IGSF11: variants seen among roughly 807,000 people sequenced by gnomAD.
IGSF11 encodes the protein CXADR like 1.
A neutral mutation model predicts 41.0 loss-of-function variants in IGSF11; 22 were observed. The ratio of observed to expected loss-of-function variants is 0.54; its 90% CI spans 0.38 to 0.77. IGSF11 has a LOEUF of 0.77. Among genes scored for constraint, IGSF11 ranks in the 30% least tolerant of loss-of-function variants. IGSF11 has a pLI of 0.00. For synonymous variants in IGSF11, 219 were observed against 201.3 expected (o/e 1.09, Z -0.74); for missense variants, 444 against 530.8 (o/e 0.84, Z 1.61).
At chr3:119,033,805 T>G (rs1008410831) in intron 1 of IGSF11, among the ~76,000 whole-genome samples, 1 of 152,224 alleles carries the variant, frequency 6.6e-6, no homozygotes, top group Non-Finnish European at 1.5e-5. Flanking sequence ...AATCAGGATC[T>G]AAATTAATAT....
At chr3:119,115,824 G>A (rs2077248735) in intron 1 of IGSF11, among the ~76,000 whole-genome samples, 1 of 151,956 alleles carries the variant, frequency 6.6e-6, no homozygotes, top group South Asian at 2.1e-4. Context: ...TCTAAAATGA[G>A]GTGATAAAAA....
At chr3:119,073,747 C>T (rs1428561507) in intron 1 of IGSF11, among the ~76,000 whole-genome samples, 1 of 152,184 alleles carries the variant, frequency 6.6e-6, no homozygotes, top group African/African-American at 2.4e-5. Flanking sequence ...GGCCTGTGAG[C>T]ACTGCACACA....
intron 1 of IGSF11, among the ~76,000 whole-genome samples, chr3:119,126,754 A>G (rs886694141): frequency 6.6e-6 from 1 of 152,164 alleles, no homozygotes; most frequent in Non-Finnish European, 1.5e-5. Context: ...GCAAATCCCC[A>G]GCAAACTGCA....
intron 1 of IGSF11, among the ~76,000 whole-genome samples, chr3:119,024,444 G>T (rs1174050375): frequency 6.6e-6 from 1 of 152,138 alleles, no homozygotes; most frequent in Non-Finnish European, 1.5e-5. Context: ...GTGAGTTTAT[G>T]AATCTCAGAA....
intron 1 of IGSF11, among the ~76,000 whole-genome samples, chr3:119,064,823 T>C (rs1247206374): frequency 2.0e-5 from 3 of 152,196 alleles, no homozygotes; most frequent in Non-Finnish European, 2.9e-5. Context: ...TCTATTTGAT[T>C]ATTGCTGGCA....
chr3:119,035,689 A>C (rs1236092168), upstream of IGSF11, among the ~76,000 whole-genome samples: 1 of 152,170 alleles, frequency 6.6e-6, no homozygotes, highest in Non-Finnish European at 1.5e-5. Flanking sequence ...TGTTTTACTT[A>C]AATATCTACC....
intron 1 of IGSF11, among the ~76,000 whole-genome samples, chr3:119,115,416 T>C (rs1286597380): frequency 6.6e-6 from 1 of 152,220 alleles, no homozygotes; most frequent in Non-Finnish European, 1.5e-5. Context: ...CATTTGTTAA[T>C]TGCCTGTCTT....
intron 1 of IGSF11, among the ~76,000 whole-genome samples, chr3:119,072,063 CAAGAA>C (rs2076408036): frequency 6.6e-6 from 1 of 152,082 alleles, no homozygotes; most frequent in Non-Finnish European, 1.5e-5. Context: ...GAGAATATTC[CAAGAA>C]AAGAAAAGTT....
intron 1 of IGSF11, among the ~76,000 whole-genome samples, chr3:119,031,355 G>C (rs1247479938): frequency 6.6e-6 from 1 of 152,188 alleles, no homozygotes; most frequent in Non-Finnish European, 1.5e-5. Context: ...AACTCAGTAA[G>C]TACTGCCTGT....
At chr3:118,957,269 T>C (rs1302638575) in intron 1 of IGSF11, among the ~76,000 whole-genome samples, 4 of 152,150 alleles carry the variant, frequency 2.6e-5, no homozygotes, top group African/African-American at 7.2e-5. Flanking sequence ...GCAATCTACT[T>C]TACTTAGTCC....
intron 1 of IGSF11, among the ~76,000 whole-genome samples, chr3:118,966,008 A>C (rs75566168): frequency 7.0e-6 from 1 of 143,218 alleles, no homozygotes; most frequent in South Asian, 2.1e-4. Context: ...CAGAAATGAG[A>C]AAAAAAAAAA....
In IGSF11 at chr3:118,902,881, G is replaced by A. The variant is rs1939079399; in HGVS notation, c.935C>T (p.Thr312Ile). 1 of 1,614,198 alleles carries A rather than the reference G, an allele frequency of 6.2e-7. No homozygotes were observed. The highest frequency in any genetic ancestry group is 8.5e-7 in the Non-Finnish European group (1 of 1,180,002). ...EISSSDNNTL[T>I]SSNAYNSRYW... Reference sequence around the variant, plus strand: ...TCGACTGTTGTAGGCATTGGAAGAGGTTAGTGTGTTGTTGTCCGAGGAGGA... The same window carrying A: ...TCGACTGTTGTAGGCATTGGAAGAGATTAGTGTGTTGTTGTCCGAGGAGGA... Residue 312 changes from threonine (T) to isoleucine (I), a missense_variant, in exon 7 of 7, where the codon ACC becomes ATC. By Grantham distance (89) the Thr-to-Ile change is moderately conservative. Around this residue, in one of 3 missense-constraint regions of IGSF11, gnomAD observed 223 missense variants for 226.2 expected, o/e 0.99. Coordinates refer to ENST00000393775, the MANE Select transcript of IGSF11 (RefSeq NM_001015887.3).
intron 1 of IGSF11, chr3:119,105,038 G>A: frequency 1.5e-6 from 1 of 654,818 alleles, no homozygotes; most frequent in Non-Finnish European, 2.7e-6. Flanking sequence ...AGTAGTAGGA[G>A]AATATACATA....
chr3:119,075,436 C>CA (rs572413071), intron 1 of IGSF11, among the ~76,000 whole-genome samples: 18 of 151,972 alleles, frequency 1.2e-4, no homozygotes, highest in Middle Eastern at 3.4e-3. Flanking sequence ...GAAACTATTC[C>CA]AAAAAAACAA....
At chr3:118,942,840 A>G (rs539623455) in intron 1 of IGSF11, among the ~76,000 whole-genome samples, 2 of 152,278 alleles carry the variant, frequency 1.3e-5, no homozygotes, top group African/African-American at 4.8e-5. Context: ...TGTGAAGCCT[A>G]TGCTCACTGA....
chr3:119,023,122 CG>C (rs1350169375), intron 1 of IGSF11, among the ~76,000 whole-genome samples: 2 of 151,802 alleles, frequency 1.3e-5, no homozygotes, highest in Non-Finnish European at 2.9e-5. Flanking sequence ...ATCAGCCAGG[CG>C]TTGTGGCTGA....
chr3:119,023,082 C>T (rs1397366865), intron 1 of IGSF11, among the ~76,000 whole-genome samples: 2 of 151,672 alleles, frequency 1.3e-5, no homozygotes, highest in African/African-American at 4.8e-5. Context: ...GCCAACATGG[C>T]GAAACCCTGT....
At chr3:118,920,128 G>A (rs193185464) in intron 4 of IGSF11, among the ~76,000 whole-genome samples, 1,163 of 112,522 alleles carry the variant, frequency 0.01, 26 homozygotes, top group East Asian at 0.071. Flanking sequence ...GGGGAGGGGG[G>A]AGGGATAGCA....
intron 1 of IGSF11, among the ~76,000 whole-genome samples, chr3:118,941,353 AAATGAGT>A (rs1166102041): frequency 6.6e-6 from 1 of 152,196 alleles, no homozygotes; most frequent in Admixed American, 6.5e-5. Flanking sequence ...GAAAGTATAC[AAATGAGT>A]AATAACATCC....
Sources: gnomAD v4.1 joint callset for allele counts (sites outside exome capture counted in the v4.1 genomes callset) on GRCh38, gnomAD v4.1.1 for gene constraint, gnomAD v4.1.1 regional missense constraint, MANE v1.5 for transcripts, NCBI Gene and HGNC (gene_info 2026-07-23, HGNC 2026-07-21) for gene names.